MYO1D: variants seen among roughly 807,000 people sequenced by gnomAD.
The protein encoded by MYO1D is myosin ID.
Under a neutral mutation model 122.0 loss-of-function variants are expected in MYO1D, and 83 were observed. That is an observed-to-expected ratio of 0.68 (90% CI 0.57 to 0.82). The LOEUF is 0.82. Ranked by LOEUF, MYO1D falls within the 40% of genes least tolerant of loss-of-function variation. MYO1D has a pLI of 0.00. For synonymous variants in MYO1D, 464 were observed against 446.9 expected (o/e 1.04, Z -0.48); for missense variants, 1,157 against 1,269.5 (o/e 0.91, Z 1.35).
chr17:32,760,782 T>TA (rs532637260), intron 8 of MYO1D, among the ~76,000 whole-genome samples, 155 bp from the exon 9 acceptor site: 2 of 152,162 alleles, frequency 1.3e-5, no homozygotes, highest in South Asian at 4.1e-4. Context: ...ACTGTCCATT[T>TA]AAAAAAACCC....
At chr17:32,545,611 TGTTCTACCA>T (rs1250523147) in intron 21 of MYO1D, among the ~76,000 whole-genome samples, 1 of 152,218 alleles carries the variant, frequency 6.6e-6, no homozygotes, top group Non-Finnish European at 1.5e-5. Flanking sequence ...AAGGCTACAT[TGTTCTACCA>T]GCCATATGGT....
intron 1 of MYO1D, among the ~76,000 whole-genome samples, chr17:32,861,130 G>A (rs772097611): frequency 1.3e-5 from 2 of 149,694 alleles, no homozygotes; most frequent in Non-Finnish European, 3.0e-5. Context: ...CTGCAGTGGC[G>A]CAACCTCAGC....
chr17:32,786,627 C>T (rs2090296875), intron 1 of MYO1D, among the ~76,000 whole-genome samples: 2 of 152,188 alleles, frequency 1.3e-5, no homozygotes. Flanking sequence ...TGAGACCAGC[C>T]TGGCCAACAT....
intron 20 of MYO1D, among the ~76,000 whole-genome samples, chr17:32,613,789 C>CAAAAAAAAAAAAAAAAA: frequency 2.0e-5 from 1 of 51,042 alleles, no homozygotes; most frequent in Non-Finnish European, 3.3e-5. Flanking sequence ...GATTCCATCT[C>CAAAAAAAAAAAAAAAAA]AAAAAAAAAA....
At chr17:32,700,426 C>T (rs549025826) in intron 16 of MYO1D, among the ~76,000 whole-genome samples, 5 of 152,176 alleles carry the variant, frequency 3.3e-5, no homozygotes, top group African/African-American at 9.7e-5. Context: ...TAACAGGCCA[C>T]GGACCAGTAC....
chr17:32,551,643 A>G (rs2087016191), intron 21 of MYO1D, among the ~76,000 whole-genome samples: 1 of 151,956 alleles, frequency 6.6e-6, no homozygotes, highest in South Asian at 2.1e-4. Context: ...TCACCTTCAT[A>G]ATTATGTTTG....
chr17:32,832,009 C>A (rs2090775156), intron 1 of MYO1D, among the ~76,000 whole-genome samples: 1 of 152,162 alleles, frequency 6.6e-6, no homozygotes, highest in Non-Finnish European at 1.5e-5. Flanking sequence ...TAATTTTGGT[C>A]ATCATCTCAC....
At chr17:32,717,497 T>C (rs1024789685) in intron 15 of MYO1D, among the ~76,000 whole-genome samples, 1 of 152,270 alleles carries the variant, frequency 6.6e-6, no homozygotes, top group African/African-American at 2.4e-5. Flanking sequence ...CTTTCTGCAT[T>C]CATCTTTCTT....
At chr17:32,725,443 C>A (rs2089560731) in intron 14 of MYO1D, among the ~76,000 whole-genome samples, 1 of 151,940 alleles carries the variant, frequency 6.6e-6, no homozygotes, top group Non-Finnish European at 1.5e-5. Context: ...ATGTCTTGAA[C>A]CTGGGAGGCA....
intron 1 of MYO1D, among the ~76,000 whole-genome samples, chr17:32,850,887 T>C (rs943971027): frequency 4.6e-5 from 7 of 152,008 alleles, no homozygotes; most frequent in African/African-American, 7.3e-5. Context: ...TAAACCTCCC[T>C]GTACCTACTT....
chr17:32,660,775 C>T (rs1312409502), intron 16 of MYO1D, among the ~76,000 whole-genome samples: 1 of 152,200 alleles, frequency 6.6e-6, no homozygotes, highest in Non-Finnish European at 1.5e-5. Flanking sequence ...AAATGGCTCC[C>T]TTCCTTGTAG....
chr17:32,533,782 C>A (rs1446503497), intron 21 of MYO1D, among the ~76,000 whole-genome samples: 1 of 152,160 alleles, frequency 6.6e-6, no homozygotes, highest in Non-Finnish European at 1.5e-5. Flanking sequence ...GGATAACACA[C>A]ACTTTCTTCT....
intron 16 of MYO1D, among the ~76,000 whole-genome samples, chr17:32,674,972 T>C (rs1227320228): frequency 2.0e-5 from 3 of 152,240 alleles, no homozygotes; most frequent in Non-Finnish European, 1.5e-5. Flanking sequence ...TTTTCCTGTC[T>C]TAGACTGTAA....
At chr17:32,529,934 T>A (rs1910458114) in intron 21 of MYO1D, 1 of 152,240 alleles carries the variant, frequency 6.6e-6, no homozygotes, top group African/African-American at 2.4e-5. Flanking sequence ...GGCTCCCAGC[T>A]GTATCTCCAC....
chr17:32,833,951 C>T (rs1162902853), intron 1 of MYO1D, among the ~76,000 whole-genome samples: 2 of 152,016 alleles, frequency 1.3e-5, no homozygotes, highest in South Asian at 2.1e-4. Context: ...TTCTCCACAG[C>T]ATTTATCACC....
intron 21 of MYO1D, among the ~76,000 whole-genome samples, chr17:32,586,820 T>C (rs906257321): frequency 6.6e-6 from 1 of 152,198 alleles, no homozygotes. Flanking sequence ...TGCTCAAAGA[T>C]GTCTGAGAGT....
At chr17:32,499,820 G>C (rs1159141131) in intron 21 of MYO1D, among the ~76,000 whole-genome samples, 1 of 152,074 alleles carries the variant, frequency 6.6e-6, no homozygotes, top group East Asian at 1.9e-4. Flanking sequence ...AAAAGTAGCT[G>C]GGTGTGGTGG....
At chr17:32,846,907 A>G (rs913132100) in intron 1 of MYO1D, among the ~76,000 whole-genome samples, 1 of 152,178 alleles carries the variant, frequency 6.6e-6, no homozygotes, top group African/African-American at 2.4e-5. Flanking sequence ...GGAATGCTTG[A>G]GCCCAGGAGA....
chr17:32,769,874 C>T (rs1253804213), intron 6 of MYO1D, among the ~76,000 whole-genome samples: 2 of 151,752 alleles, frequency 1.3e-5, no homozygotes, highest in Admixed American at 6.6e-5. Context: ...AGAAAAAAGG[C>T]TATTAATTTA....
Sources: gnomAD v4.1 joint callset for allele counts (sites outside exome capture counted in the v4.1 genomes callset) on GRCh38, gnomAD v4.1.1 for gene constraint, MANE v1.5 for transcripts, NCBI Gene and HGNC (gene_info 2026-07-23, HGNC 2026-07-21) for gene names.